Variants in FUT8 observed in about 807,000 individuals in gnomAD.
The protein encoded by FUT8 is alpha-(1,6)-fucosyltransferase.
FUT8 carries 29 observed loss-of-function variants against 71.3 expected under a neutral mutation model. The ratio of observed to expected loss-of-function variants is 0.41; its 90% confidence interval spans 0.30 to 0.55. The LOEUF is 0.55. FUT8 is among the 20% of genes least tolerant of loss of function. The pLI is 0.34. For synonymous variants in FUT8, 254 were observed against 239.3 expected (o/e 1.06, Z -0.57); for missense variants, 544 against 702.1 (o/e 0.77, Z 2.55).
intron 6 of FUT8, among the ~76,000 whole-genome samples, chr14:65,655,192 G>T (rs1891611131): frequency 6.6e-6 from 1 of 151,804 alleles, no homozygotes; most frequent in Non-Finnish European, 1.5e-5. Flanking sequence ...AGAATGACTG[G>T]GCTGGGCACG....
chr14:65,597,850 G>A (rs1345768971), intron 3 of FUT8, among the ~76,000 whole-genome samples: 1 of 152,044 alleles, frequency 6.6e-6, no homozygotes, highest in African/African-American at 2.4e-5. Context: ...CCATCTCACA[G>A]TGAATTTGTT....
At chr14:65,481,135 A>AATC (rs2066324657) in intron 2 of FUT8, among the ~76,000 whole-genome samples, 1 of 151,978 alleles carries the variant, frequency 6.6e-6, no homozygotes, top group South Asian at 2.1e-4. Context: ...TTTTTTTTAT[A>AATC]ATCATCATCA....
At chr14:65,598,156 AC>A (rs1220466634) in intron 3 of FUT8, among the ~76,000 whole-genome samples, 2 of 152,056 alleles carry the variant, frequency 1.3e-5, no homozygotes, top group Non-Finnish European at 2.9e-5. Flanking sequence ...ACGGAAAGAG[AC>A]CCTGTCTCAA....
the FUT8 span, among the ~76,000 whole-genome samples, chr14:65,371,205 C>A: frequency 2.0e-5 from 3 of 152,198 alleles, no homozygotes; most frequent in African/African-American, 7.2e-5. Context: ...CCATTCTAGT[C>A]CCCTGCAAAA....
At chr14:65,540,050 G>A (rs1035162757) in intron 2 of FUT8, among the ~76,000 whole-genome samples, 3 of 152,170 alleles carry the variant, frequency 2.0e-5, no homozygotes, top group Non-Finnish European at 4.4e-5. Context: ...TAAAAGTATT[G>A]TTTAGAATTG....
At chr14:65,713,333 G>T (rs1894897813) in intron 7 of FUT8, among the ~76,000 whole-genome samples, 1 of 152,116 alleles carries the variant, frequency 6.6e-6, no homozygotes, top group Admixed American at 6.5e-5. Flanking sequence ...TCAAATCTTG[G>T]CTATTGTGAA....
chr14:65,407,690 A>G (rs2065093105), upstream of FUT8, among the ~76,000 whole-genome samples: 1 of 152,262 alleles, frequency 6.6e-6, no homozygotes, highest in Admixed American at 6.5e-5. Flanking sequence ...GTTTTTGCTT[A>G]CAGTGTTATG....
intron 7 of FUT8, among the ~76,000 whole-genome samples, chr14:65,683,207 G>C (rs561220988): frequency 6.6e-6 from 1 of 151,950 alleles, no homozygotes; most frequent in African/African-American, 2.4e-5. Context: ...TATAGATGGG[G>C]TTTCACTATG....
intron 6 of FUT8, among the ~76,000 whole-genome samples, chr14:65,632,805 G>C (rs1049434479): frequency 3.3e-5 from 5 of 152,172 alleles, no homozygotes; most frequent in Admixed American, 2.0e-4. Flanking sequence ...CCAGTGTCTA[G>C]AAGGGTTCTT....
intron 3 of FUT8, among the ~76,000 whole-genome samples, chr14:65,565,407 C>A (rs935972562): frequency 6.6e-6 from 1 of 151,478 alleles, no homozygotes; most frequent in Non-Finnish European, 1.5e-5. Context: ...ATCCATTCAC[C>A]AATTGAAGAA....
upstream of FUT8, chr14:65,412,547 G>A (rs1595337062): frequency 2.8e-6 from 1 of 354,524 alleles, no homozygotes; most frequent in East Asian, 7.6e-5. Flanking sequence ...CTGGAACTGT[G>A]CCGTCCCGCT....
rs184210999 is a variant in FUT8 at position 65,575,371 on chromosome 14, C to T, written c.203+13605C>T. Among the ~76,000 whole-genome samples, 8 of 152,038 alleles carry T rather than the reference C, an allele frequency of 5.3e-5. No individual in the cohort carries two copies. In the East Asian group the frequency reaches 1.5e-3, roughly 29 times the overall value. On this transcript the variant is annotated intron_variant, in intron 3 of 10. Coordinates refer to ENST00000673929, the MANE Select transcript of FUT8 (RefSeq NM_001371533.1). ...TAATTTCATTTATGTGTGACTTTTT[C>T]CTGTAATTATATGTATACAGTACAT...
chr14:65,390,754 C>T, the FUT8 span, among the ~76,000 whole-genome samples: 5 of 140,412 alleles, frequency 3.6e-5, no homozygotes, highest in Admixed American at 1.5e-4. Flanking sequence ...GATGGAGTCT[C>T]GCTATGTCAC....
chr14:65,459,070 T>C (rs1316965908), intron 2 of FUT8, among the ~76,000 whole-genome samples: 1 of 152,186 alleles, frequency 6.6e-6, no homozygotes, highest in Non-Finnish European at 1.5e-5. Flanking sequence ...ATTATAGATG[T>C]GAGGCACTGT....
At chr14:65,464,828 G>C (rs760387277) in intron 2 of FUT8, among the ~76,000 whole-genome samples, 1 of 152,080 alleles carries the variant, frequency 6.6e-6, no homozygotes, top group Non-Finnish European at 1.5e-5. Context: ...GCTTATGATC[G>C]GGGTAATGTT....
rs112404723 is a variant in FUT8, at chr14:65,611,197, ACGCGCG to A, written c.204-4759_204-4754del. Among the ~76,000 whole-genome samples the A allele has an allele frequency of 7.5e-3, 458 of 61,354 alleles. 57 individuals are homozygous for A. Among genetic ancestry groups the A allele is most frequent in the African/African-American group, 0.026 (359 of 13,582 alleles). 40.3% of individuals were successfully genotyped at this position (61,354 alleles called of 152,430 possible). A position where few individuals can be genotyped will look rare whatever the true frequency, so the allele number is the denominator to read the frequency against. On this transcript the variant is annotated intron_variant, in intron 3 of 10. Transcript: ENST00000673929. ...TTTTAAGTGTCATACACACACACAC[ACGCGCG>A]CGCGCGCGCGCGCGCGCGCGCACAC...
chr14:65,636,582 A>G (rs1234905195), intron 6 of FUT8: 3 of 152,118 alleles, frequency 2.0e-5, no homozygotes, highest in Non-Finnish European at 4.4e-5. Flanking sequence ...TTAAATTTCC[A>G]TGTTGATTTT....
chr14:65,454,343 C>G (rs1301700208), intron 1 of FUT8, among the ~76,000 whole-genome samples: 1 of 151,980 alleles, frequency 6.6e-6, no homozygotes, highest in Non-Finnish European at 1.5e-5. Flanking sequence ...AAGCATTATA[C>G]AGGCTGGGCA....
At chr14:65,717,177 C>T (rs1181423763) in intron 7 of FUT8, among the ~76,000 whole-genome samples, 5 of 140,446 alleles carry the variant, frequency 3.6e-5, no homozygotes, top group African/African-American at 1.3e-4. Context: ...CTTCTCACCT[C>T]CCAGACGGGG....
Sources: gnomAD v4.1 joint callset for allele counts (sites outside exome capture counted in the v4.1 genomes callset) on GRCh38, gnomAD v4.1.1 for gene constraint, MANE v1.5 for transcripts, NCBI Gene and HGNC (gene_info 2026-07-23, HGNC 2026-07-21) for gene names.